IL1RAPL2: variants seen among roughly 807,000 people sequenced by gnomAD.
IL1RAPL2 encodes the protein interleukin 1 receptor accessory protein like 2.
In IL1RAPL2, 3 loss-of-function variants were observed where a neutral mutation model predicts 44.1. The observed-to-expected ratio is 0.07, with a 90% confidence interval of 0.03 to 0.18. The LOEUF (loss-of-function observed/expected upper bound fraction) is 0.18, where lower values mean the gene tolerates loss of function less well. Among genes scored for constraint, IL1RAPL2 ranks in the 10% least tolerant of loss-of-function variants. IL1RAPL2 has a pLI of 1.00. For synonymous variants in IL1RAPL2, 181 were observed against 178.8 expected (o/e 1.01, Z -0.10); for missense variants, 391 against 496.4 (o/e 0.79, Z 2.02).
intron 3 of IL1RAPL2, among the ~76,000 whole-genome samples, chrX:105,209,602 A>G (rs2033791952): frequency 1.8e-5 from 2 of 112,009 alleles, no homozygotes; most frequent in South Asian, 7.6e-4. Flanking sequence ...CTCACTAAGC[A>G]TGCTTACTCA....
intron 2 of IL1RAPL2, among the ~76,000 whole-genome samples, chrX:104,978,436 A>G (rs2030377229): frequency 8.9e-6 from 1 of 111,934 alleles, no homozygotes; most frequent in Non-Finnish European, 1.9e-5. Context: ...AAAGTAGCAT[A>G]CTATGTCTCT....
intron 6 of IL1RAPL2, among the ~76,000 whole-genome samples, chrX:105,536,016 C>T (rs902122773): frequency 1.9e-4 from 21 of 111,588 alleles, no homozygotes; most frequent in African/African-American, 6.8e-4. Context: ...CTAAAAAGAT[C>T]AGTGTAGAAT....
chrX:105,175,314 T>G (rs1276581383), intron 2 of IL1RAPL2, among the ~76,000 whole-genome samples: 1 of 111,386 alleles, frequency 9.0e-6, no homozygotes, highest in Non-Finnish European at 1.9e-5. Flanking sequence ...CAAATCTCAA[T>G]CCTCACAGTA....
intron 2 of IL1RAPL2, among the ~76,000 whole-genome samples, chrX:105,011,232 A>T (rs998618366): frequency 4.2e-4 from 46 of 110,283 alleles, no homozygotes; most frequent in African/African-American, 1.5e-3. Flanking sequence ...ATTAAATGTT[A>T]ATAAATGGAA....
intron 2 of IL1RAPL2, among the ~76,000 whole-genome samples, chrX:104,896,657 T>C (rs1168973227): frequency 1.8e-5 from 2 of 111,730 alleles, no homozygotes; most frequent in Non-Finnish European, 3.8e-5. Context: ...AGGATGTGGG[T>C]GGGGCCAGAT....
chrX:105,760,729 A>G (rs1387302899), intron 10 of IL1RAPL2, among the ~76,000 whole-genome samples: 1 of 112,318 alleles, frequency 8.9e-6, no homozygotes, highest in Non-Finnish European at 1.9e-5. Flanking sequence ...TGCTGAGTCA[A>G]TGATTAATCA....
chrX:105,413,125 T>C (rs1479194529), intron 5 of IL1RAPL2, among the ~76,000 whole-genome samples: 2 of 112,175 alleles, frequency 1.8e-5, no homozygotes, highest in Non-Finnish European at 3.8e-5. Context: ...CTATATTTTA[T>C]GAATTTCTGT....
At chrX:105,542,265 G>A (rs571142832) in intron 6 of IL1RAPL2, among the ~76,000 whole-genome samples, 1 of 111,986 alleles carries the variant, frequency 8.9e-6, no homozygotes, top group African/African-American at 3.2e-5. Flanking sequence ...AGGATAGAAA[G>A]GTGAATAACA....
At chrX:105,451,009 GATTA>G (rs2036016437) in intron 5 of IL1RAPL2, among the ~76,000 whole-genome samples, 1 of 108,382 alleles carries the variant, frequency 9.2e-6, no homozygotes, top group Non-Finnish European at 1.9e-5. Flanking sequence ...CAGTGAGATG[GATTA>G]ATTAATGGCA....
At chrX:105,318,114 A>T (rs1028115780) in intron 5 of IL1RAPL2, among the ~76,000 whole-genome samples, 1 of 109,702 alleles carries the variant, frequency 9.1e-6, no homozygotes, top group Non-Finnish European at 1.9e-5. Flanking sequence ...CTGGGACTAC[A>T]GGCGCCCGCC....
intron 2 of IL1RAPL2, among the ~76,000 whole-genome samples, chrX:104,710,445 A>T (rs1931437931): frequency 9.0e-6 from 1 of 111,147 alleles, no homozygotes; most frequent in Admixed American, 9.6e-5. Context: ...CAGAAAGCAG[A>T]TTAGTAGTTT....
intron 5 of IL1RAPL2, among the ~76,000 whole-genome samples, chrX:105,268,160 C>T (rs2034418277): frequency 9.0e-6 from 1 of 111,569 alleles, no homozygotes; most frequent in African/African-American, 3.3e-5. Flanking sequence ...AAGACAGAAT[C>T]TAATACCAAA....
chrX:104,689,994 T>C (rs1308865311), intron 2 of IL1RAPL2, among the ~76,000 whole-genome samples: 1 of 112,347 alleles, frequency 8.9e-6, no homozygotes, highest in Non-Finnish European at 1.9e-5. Flanking sequence ...TTTGCATTTG[T>C]GTGGCGCAAT....
At chrX:105,377,920 C>T (rs1462417975) in intron 5 of IL1RAPL2, among the ~76,000 whole-genome samples, 2 of 111,394 alleles carry the variant, frequency 1.8e-5, no homozygotes, top group East Asian at 2.8e-4. Flanking sequence ...ACTATGAAAA[C>T]GCTTTCCTCC....
intron 2 of IL1RAPL2, among the ~76,000 whole-genome samples, chrX:104,838,741 C>T (rs1921811318): frequency 9.1e-6 from 1 of 110,163 alleles, no homozygotes; most frequent in Non-Finnish European, 1.9e-5. Context: ...ATTGTCCTGG[C>T]CAGAACTTCC....
At chrX:105,518,588 G>A (rs1002277829) in intron 6 of IL1RAPL2, among the ~76,000 whole-genome samples, 2 of 111,502 alleles carry the variant, frequency 1.8e-5, no homozygotes, top group Non-Finnish European at 3.8e-5. Context: ...TCTTGCTTTA[G>A]AAACTCAATT....
chrX:105,130,195 G>A (rs2033013688), intron 2 of IL1RAPL2, among the ~76,000 whole-genome samples: 1 of 111,217 alleles, frequency 9.0e-6, no homozygotes. Context: ...AAAAATCCAT[G>A]TTCTTAACCA....
intron 2 of IL1RAPL2, among the ~76,000 whole-genome samples, chrX:104,998,389 G>C (rs1230830801): frequency 9.0e-6 from 1 of 111,117 alleles, no homozygotes; most frequent in Non-Finnish European, 1.9e-5. Flanking sequence ...ACTTTTTCAA[G>C]ATTTGCCTTG....
chrX:105,747,492 A>ATGTGTG (rs748769479), intron 8 of IL1RAPL2, among the ~76,000 whole-genome samples: 10 of 59,628 alleles, frequency 1.7e-4, no homozygotes, highest in Non-Finnish European at 6.0e-5. Context: ...GTGTGTGTGT[A>ATGTGTG]TGTGTGTGTG....
Sources: allele counts gnomAD v4.1 joint callset (sites outside exome capture counted in the v4.1 genomes callset), GRCh38; gene constraint gnomAD v4.1.1; transcripts MANE v1.5; gene names NCBI Gene and HGNC (gene_info 2026-07-23, HGNC 2026-07-21).